LYPD6B: variants seen among roughly 807,000 people sequenced by gnomAD.
LYPD6B encodes the protein ly6/PLAUR domain-containing protein 6B.
In LYPD6B, 17 loss-of-function variants were observed where a neutral mutation model predicts 22.8. The ratio of observed to expected loss-of-function variants is 0.75; its 90% CI spans 0.51 to 1.12. The LOEUF (loss-of-function observed/expected upper bound fraction) is 1.12. Among genes scored for constraint, LYPD6B ranks in the 50% most tolerant of loss-of-function variants. The pLI is 0.00. For synonymous variants in LYPD6B, 106 were observed against 91.6 expected, an observed-to-expected ratio of 1.16 and a Z score of -0.90; for missense variants, 221 against 258.3, an observed-to-expected ratio of 0.86 and a Z score of 0.99.
intron 3 of LYPD6B, among the ~76,000 whole-genome samples, chr2:149,167,333 T>G (rs1264600497): frequency 6.6e-6 from 1 of 152,208 alleles, no homozygotes; most frequent in Non-Finnish European, 1.5e-5. Context: ...TAAACTTAAT[T>G]GCTTTCTGTG....
At chr2:149,120,676 C>T (rs1036593218) in intron 1 of LYPD6B, among the ~76,000 whole-genome samples, 81 of 150,860 alleles carry the variant, frequency 5.4e-4, no homozygotes, top group African/African-American at 1.8e-3. Flanking sequence ...AGTCACGGCG[C>T]CTGGCTGCAT....
chr2:149,039,472 C>T (rs1164313619), intron 1 of LYPD6B, among the ~76,000 whole-genome samples: 1 of 152,154 alleles, frequency 6.6e-6, no homozygotes, highest in African/African-American at 2.4e-5. Context: ...CTGTCCACCT[C>T]CCAAGGCCAG....
chr2:149,134,533 C>G (rs1479872130), intron 2 of LYPD6B, among the ~76,000 whole-genome samples: 1 of 152,114 alleles, frequency 6.6e-6, no homozygotes, highest in African/African-American at 2.4e-5. Context: ...GTTTTACTGC[C>G]CCTGCAATTC....
At chr2:149,047,064 C>A (rs1558966111) in intron 1 of LYPD6B, among the ~76,000 whole-genome samples, 1 of 152,186 alleles carries the variant, frequency 6.6e-6, no homozygotes, top group Non-Finnish European at 1.5e-5. Context: ...TTTGCTTACT[C>A]CTGCTTTAGA....
intron 1 of LYPD6B, among the ~76,000 whole-genome samples, chr2:149,122,975 TGTGGAGTGTTCTTAAGA>T (rs1687470148): frequency 6.6e-6 from 1 of 152,198 alleles, no homozygotes. Context: ...CCACTTTCAA[TGTGGAGTGTTCTTAAGA>T]AAAAATCACG....
chr2:149,048,413 TG>T (rs1159309946), intron 1 of LYPD6B, among the ~76,000 whole-genome samples: 2 of 152,226 alleles, frequency 1.3e-5, no homozygotes, highest in Non-Finnish European at 1.5e-5. Flanking sequence ...GGAGCTGGCT[TG>T]CCAAAGGCCT....
intron 2 of LYPD6B, among the ~76,000 whole-genome samples, chr2:149,138,439 G>A (rs909334519): frequency 2.6e-5 from 4 of 152,238 alleles, no homozygotes; most frequent in African/African-American, 7.2e-5. Context: ...ACATAAGCAG[G>A]TGCAGATGTG....
rs538922411 is a variant in LYPD6B at position 149,069,971 on chromosome 2, A to G, written c.-67+31170A>G. On this transcript the variant is annotated intron_variant, in intron 1 of 6. Transcript: ENST00000409642. ...GTGTGTGTACGTGTGTGTGTATGTG[A>G]ATCATTTTCTTGAAATACATAAATT... 2.8e-4 allele frequency among the ~76,000 whole-genome samples: 43 copies of G among 151,642 alleles called. 2 individuals are homozygous for G. In the East Asian group the frequency reaches 8.1e-3, roughly 29 times the overall value.
chr2:149,148,104 A>G (rs1429016908), intron 2 of LYPD6B, among the ~76,000 whole-genome samples: 1 of 152,216 alleles, frequency 6.6e-6, no homozygotes, highest in African/African-American at 2.4e-5. Flanking sequence ...TCTATGCAAT[A>G]TTCCAGTGCC....
At chr2:149,087,279 C>T (rs370157928) in intron 1 of LYPD6B, among the ~76,000 whole-genome samples, 2 of 152,132 alleles carry the variant, frequency 1.3e-5, no homozygotes, top group South Asian at 4.2e-4. Flanking sequence ...GAAGAGCAAT[C>T]GTAAAGTTAA....
chr2:149,040,789 G>A (rs557127108), intron 1 of LYPD6B, among the ~76,000 whole-genome samples: 2 of 152,324 alleles, frequency 1.3e-5, no homozygotes, highest in South Asian at 2.1e-4. Context: ...CCTGAGGGCC[G>A]TATTCCATCA....
chr2:149,044,959 T>G (rs1024163592), intron 1 of LYPD6B, among the ~76,000 whole-genome samples: 18 of 152,040 alleles, frequency 1.2e-4, no homozygotes, highest in African/African-American at 4.3e-4. Context: ...AAATTCCACT[T>G]GGTTGTAATG....
intron 1 of LYPD6B, among the ~76,000 whole-genome samples, chr2:149,080,871 C>CAA (rs36125590): frequency 2.8e-5 from 3 of 108,894 alleles, no homozygotes; most frequent in African/African-American, 3.9e-5. Context: ...AAAAAAACCA[C>CAA]ACAAAAAAAT....
At chr2:149,106,195 T>A (rs1232898887) in intron 1 of LYPD6B, among the ~76,000 whole-genome samples, 1 of 152,108 alleles carries the variant, frequency 6.6e-6, no homozygotes, top group Admixed American at 6.6e-5. Context: ...TTTGCAAAAA[T>A]TTGTTTTGAA....
At chr2:149,105,131 T>C (rs1051946600) in intron 1 of LYPD6B, among the ~76,000 whole-genome samples, 1 of 152,164 alleles carries the variant, frequency 6.6e-6, no homozygotes, top group South Asian at 2.1e-4. Context: ...TGAATGGCCA[T>C]TGCACATTTG....
chr2:149,128,263 T>G (rs1687820598), intron 1 of LYPD6B, among the ~76,000 whole-genome samples: 1 of 152,228 alleles, frequency 6.6e-6, no homozygotes, highest in African/African-American at 2.4e-5. Context: ...TTGCATTTTC[T>G]AGATGGTTTG....
intron 3 of LYPD6B, among the ~76,000 whole-genome samples, chr2:149,189,133 A>G (rs1314379617): frequency 6.6e-6 from 1 of 151,846 alleles, no homozygotes; most frequent in African/African-American, 2.4e-5. Flanking sequence ...ACTTCATGCC[A>G]GGGGCTAAAG....
chr2:149,090,165 A>G (rs2105436555), intron 1 of LYPD6B, among the ~76,000 whole-genome samples: 1 of 152,338 alleles, frequency 6.6e-6, no homozygotes, highest in East Asian at 1.9e-4. Flanking sequence ...CGAGATGTTG[A>G]ATTAATGATA....
intron 1 of LYPD6B, among the ~76,000 whole-genome samples, chr2:149,093,040 GT>G (rs1317557469): frequency 4.6e-5 from 7 of 152,166 alleles, no homozygotes; most frequent in African/African-American, 1.7e-4. Flanking sequence ...TAAGTCAGAA[GT>G]TGGAAACAGT....
Sources: allele counts gnomAD v4.1 joint callset (sites outside exome capture counted in the v4.1 genomes callset), GRCh38; gene constraint gnomAD v4.1.1; transcripts MANE v1.5; gene names NCBI Gene and HGNC (gene_info 2026-07-23, HGNC 2026-07-21).